IQSEC3: variants seen among roughly 807,000 people sequenced by gnomAD.
IQSEC3 encodes the protein IQ motif and SEC7 domain-containing protein 3.
IQSEC3 carries 50 observed loss-of-function variants against 105.4 expected under a neutral mutation model. That is an observed-to-expected ratio of 0.47 (90% CI 0.38 to 0.60). The LOEUF is 0.60. Among genes scored for constraint, IQSEC3 ranks in the 20% least tolerant of loss-of-function variants. IQSEC3 has a pLI of 0.00. For missense variants in IQSEC3, 1,415 were observed against 1,630.0 expected (o/e 0.87, Z 2.27); for synonymous variants, 708 against 746.0 (o/e 0.95, Z 0.83).
chr12:168,784 G>A (rs782497034), intron 11 of IQSEC3, among the ~76,000 whole-genome samples: 13 of 152,274 alleles, frequency 8.5e-5, no homozygotes, highest in South Asian at 2.1e-4. Context: ...CCTCTCTGAC[G>A]TTCAAGCAGA....
At chr12:119,206 C>T (rs1555081320) in intron 2 of IQSEC3, among the ~76,000 whole-genome samples, 1 of 152,108 alleles carries the variant, frequency 6.6e-6, no homozygotes, top group East Asian at 1.9e-4. Flanking sequence ...TCCGTCAGTG[C>T]CAAGGATGAA....
intron 1 of IQSEC3, among the ~76,000 whole-genome samples, chr12:94,713 A>G (rs1185758196): frequency 1.3e-5 from 2 of 152,240 alleles, no homozygotes; most frequent in Middle Eastern, 3.2e-3. Context: ...GCCTGCCCTC[A>G]GTGTCTGGAC....
intron 4 of IQSEC3, chr12:140,307 A>G (rs1865964256): frequency 6.6e-6 from 1 of 152,210 alleles, no homozygotes; most frequent in Non-Finnish European, 1.5e-5. Context: ...GTTTTACAGA[A>G]AAGAAGCCGG....
At chr12:70,089 C>T (rs531382106) in intron 1 of IQSEC3, among the ~76,000 whole-genome samples, 29 of 152,384 alleles carry the variant, frequency 1.9e-4, no homozygotes, top group Non-Finnish European at 2.9e-4. Context: ...AATCCTCCCT[C>T]ATTCTTCCTC....
intron 12 of IQSEC3, among the ~76,000 whole-genome samples, chr12:170,574 TG>T (rs1196492332): frequency 2.0e-5 from 3 of 152,124 alleles, no homozygotes; most frequent in Admixed American, 6.5e-5. Flanking sequence ...GAGCTGTCCG[TG>T]GGGGTCCGCA....
At chr12:123,001 G>A (rs1484728430) in intron 2 of IQSEC3, among the ~76,000 whole-genome samples, 3 of 152,188 alleles carry the variant, frequency 2.0e-5, no homozygotes, top group African/African-American at 7.2e-5. Context: ...GTGGTGGGAA[G>A]GGGCTATTTC....
intron 2 of IQSEC3, among the ~76,000 whole-genome samples, chr12:118,860 C>T (rs1865131119): frequency 1.3e-5 from 2 of 152,178 alleles, no homozygotes; most frequent in Admixed American, 1.3e-4. Flanking sequence ...AATGTGGCTG[C>T]CAGGGCCTGC....
rs1484834403 is a variant in IQSEC3 at position 175,054 on chromosome 12, T to A, written c.*21T>A. 1.3e-6 allele frequency: 2 copies of A among 1,490,564 alleles called. No individual in the cohort carries two copies. Among genetic ancestry groups the A allele is most frequent in the African/African-American group, 2.8e-5 (2 of 71,710 alleles). The allele number at this position is 1,490,564 out of a possible 1,614,324, so 92.3% of individuals were successfully genotyped here. The stretch of plus-strand genomic sequence containing the variant: ...TGTAGACTCTGCCCCACCACCCTGC[T>A]GTCCTGGGAGGGCTGGCCACTGGGG... On this transcript the variant is annotated 3_prime_UTR_variant, in exon 14 of 14. Coordinates refer to ENST00000538872, the MANE Select transcript of IQSEC3 (RefSeq NM_001170738.2).
rs1016601492 is a variant in IQSEC3, at chr12:157,657, G to C, written c.2406G>C (p.Arg802=). The C allele has an allele frequency of 2.9e-5, 47 of 1,613,866 alleles. No homozygotes were observed. The Admixed American group carries it at 5.7e-4, about 19-fold the overall frequency. Residue 802 remains arginine, a synonymous_variant, in exon 7 of 14, where the codon CGG becomes CGC. Transcript: ENST00000538872. ...DMYSPNIKPD[R]KMMLEDFIRN... ...ACAGCCCCAACATCAAGCCTGACCG[G>C]AAGATGATGCTGGAGGACTTCATCC... is the stretch of plus-strand genomic sequence containing the variant.
chr12:105,140 T>A (rs553595275), intron 2 of IQSEC3, among the ~76,000 whole-genome samples: 1 of 152,368 alleles, frequency 6.6e-6, no homozygotes, highest in East Asian at 1.9e-4. Flanking sequence ...CCTGCCTGCC[T>A]GGCCCCAAGC....
intron 1 of IQSEC3, among the ~76,000 whole-genome samples, chr12:91,789 GAAAGAAAGA>G (rs1864094820): frequency 6.6e-6 from 1 of 151,870 alleles, no homozygotes; most frequent in African/African-American, 2.4e-5. Context: ...TCAAAAAAAA[GAAAGAAAGA>G]AAAGAAAGAA....
In IQSEC3 at chr12:171,422, AG is replaced by A; in HGVS notation, c.3114+262del. 12 of 1,146,922 alleles carry A rather than the reference AG, an allele frequency of 1.0e-5. No individual in the cohort carries two copies. In the South Asian group the frequency reaches 1.6e-4, roughly 16 times the overall value. The allele number at this position is 1,146,922 out of a possible 1,614,324, so 71.0% of individuals were successfully genotyped here. On this transcript the variant is annotated intron_variant, in intron 13 of 13. Coordinates refer to ENST00000538872, the MANE Select transcript of IQSEC3 (RefSeq NM_001170738.2). ...CGAGGCCGAGCTCCCAGACTAACAC[AG>A]TGGAGACGGAGCTCACGGCACCCTA...
At chr12:121,973 C>T (rs944270200) in intron 2 of IQSEC3, among the ~76,000 whole-genome samples, 13 of 152,174 alleles carry the variant, frequency 8.5e-5, no homozygotes, top group Non-Finnish European at 1.6e-4. Context: ...ACACCAAAGC[C>T]GTGTATGTTC....
chr12:69,257 A>G (rs1863214709), intron 1 of IQSEC3, among the ~76,000 whole-genome samples: 1 of 152,252 alleles, frequency 6.6e-6, no homozygotes, highest in African/African-American at 2.4e-5. Context: ...AGAGTTGAGG[A>G]AAGATTATTT....
chr12:118,581 C>G (rs567631168), intron 2 of IQSEC3, among the ~76,000 whole-genome samples: 1 of 150,974 alleles, frequency 6.6e-6, no homozygotes, highest in South Asian at 2.2e-4. Flanking sequence ...AGTCCATCAG[C>G]CTTCAAAATG....
intron 2 of IQSEC3, among the ~76,000 whole-genome samples, chr12:112,844 C>T (rs1440417431): frequency 3.3e-5 from 5 of 152,098 alleles, no homozygotes; most frequent in Non-Finnish European, 7.3e-5. Flanking sequence ...GCAAGGGAAG[C>T]CCTCTGTAGG....
At chr12:92,027 G>T (rs1864102785) in intron 1 of IQSEC3, among the ~76,000 whole-genome samples, 1 of 152,050 alleles carries the variant, frequency 6.6e-6, no homozygotes, top group South Asian at 2.1e-4. Context: ...GCACGACTAG[G>T]GATCCCCAAC....
intron 3 of IQSEC3, among the ~76,000 whole-genome samples, chr12:135,085 G>A (rs191587700): frequency 7.2e-5 from 11 of 152,296 alleles, no homozygotes; most frequent in South Asian, 2.1e-4. Flanking sequence ...AGCCGAGATC[G>A]TGCCACTGCA....
rs11835766 is a variant in IQSEC3 at position 173,134 on chromosome 12, G to A, written c.3115-1465G>A. 4.8e-3 allele frequency among the ~76,000 whole-genome samples: 738 copies of A among 152,320 alleles called. 4 individuals are homozygous for A. The highest frequency in any genetic ancestry group is 0.017 in the African/African-American group (694 of 41,576). On this transcript the variant is annotated intron_variant, in intron 13 of 13. Transcript: ENST00000538872. ...GGGAGAGGAGCCCGTGCCCTCCAGC[G>A]GCTTCTGCCTGAGTGAGGGTCCTGG...
Sources: allele counts gnomAD v4.1 joint callset (sites outside exome capture counted in the v4.1 genomes callset), GRCh38; gene constraint gnomAD v4.1.1; transcripts MANE v1.5; gene names NCBI Gene and HGNC (gene_info 2026-07-23, HGNC 2026-07-21).